PTPRD: variants seen among roughly 807,000 people sequenced by gnomAD.
PTPRD encodes the protein protein tyrosine phosphatase receptor type D, also known as receptor-type tyrosine-protein phosphatase delta.
In PTPRD, 34 loss-of-function variants were observed where a neutral mutation model predicts 214.5. That is an observed-to-expected ratio of 0.16 (90% CI 0.12 to 0.21). The LOEUF (loss-of-function observed/expected upper bound fraction) is 0.21, where lower values mean the gene tolerates loss of function less well. PTPRD is among the 10% of genes least tolerant of loss of function. The pLI is 1.00. For synonymous variants in PTPRD, 1,128 were observed against 845.7 expected, an observed-to-expected ratio of 1.33 and a Z score of -5.79; for missense variants, 2,545 against 2,398.7, an observed-to-expected ratio of 1.06 and a Z score of -1.27.
chr9:9,019,078 C>T (rs575755800), intron 10 of PTPRD, among the ~76,000 whole-genome samples: 2 of 152,000 alleles, frequency 1.3e-5, no homozygotes, highest in African/African-American at 2.4e-5. Context: ...TAAAAACAAA[C>T]TTGTGCTAGA....
chr9:10,526,668 A>G (rs933213578), intron 2 of PTPRD, among the ~76,000 whole-genome samples: 7 of 152,106 alleles, frequency 4.6e-5, no homozygotes, highest in African/African-American at 1.7e-4. Context: ...TTATCTTTCA[A>G]TACCCTTTAC....
intron 39 of PTPRD, among the ~76,000 whole-genome samples, chr9:8,350,830 G>C (rs10739158): frequency 6.6e-6 from 1 of 151,892 alleles, no homozygotes; most frequent in Non-Finnish European, 1.5e-5. Flanking sequence ...AGTCAAATTT[G>C]TCCATGCTAT....
rs187262969 is a variant in PTPRD at position 10,260,997 on chromosome 9, T to C, written c.-545+79966A>G. On this transcript the variant is annotated intron_variant, in intron 3 of 45. Coordinates refer to ENST00000381196, the MANE Select transcript of PTPRD (RefSeq NM_002839.4). ...ATGTGTGTATATATATGTATATATA[T>C]GTGTATATATGTATATATGTGTGTA... Among the ~76,000 whole-genome samples, 135 of 147,920 alleles carry C rather than the reference T, an allele frequency of 9.1e-4. 1 individual carries two copies. Among genetic ancestry groups the C allele is most frequent in the Non-Finnish European group, 1.3e-3 (90 of 67,272 alleles).
At chr9:9,696,850 G>A (rs1595474540) in intron 7 of PTPRD, among the ~76,000 whole-genome samples, 1 of 152,050 alleles carries the variant, frequency 6.6e-6, no homozygotes, top group African/African-American at 2.4e-5. Flanking sequence ...TTTGTTACTT[G>A]CTTTCTGGTT....
intron 8 of PTPRD, among the ~76,000 whole-genome samples, chr9:9,509,452 C>A (rs751672612): frequency 2.0e-4 from 30 of 151,440 alleles, no homozygotes; most frequent in Non-Finnish European, 3.5e-4. Context: ...ATCATCACAA[C>A]TGGACAATGA....
In PTPRD at chr9:9,486,150, C is replaced by CAAAAAAA. The variant is rs71319226; in HGVS notation, c.-237+88575_-237+88581dup. Among the ~76,000 whole-genome samples the CAAAAAAA allele has an allele frequency of 6.8e-3, 205 of 30,164 alleles. 51 individuals are homozygous for CAAAAAAA. The highest frequency in any genetic ancestry group is 0.013 in the African/African-American group (85 of 6,680). 19.8% of individuals were successfully genotyped at this position (30,164 alleles called of 152,430 possible). On this transcript the variant is annotated intron_variant, in intron 8 of 45. Transcript: ENST00000381196. The stretch of plus-strand genomic sequence containing the variant: ...TGGGCAACAGAGCAAGACTCTCTCT[C>CAAAAAAA]AAAAAAAAAAAAAAAAAAAAAAAAA...
intron 2 of PTPRD, among the ~76,000 whole-genome samples, chr9:10,431,204 T>C (rs2154520612): frequency 6.6e-6 from 1 of 152,184 alleles, no homozygotes; most frequent in South Asian, 2.1e-4. Flanking sequence ...GAATCACTGT[T>C]TGAAAGGTTT....
chr9:9,122,003 C>T (rs2099818070), intron 10 of PTPRD, among the ~76,000 whole-genome samples: 1 of 152,028 alleles, frequency 6.6e-6, no homozygotes, highest in Non-Finnish European at 1.5e-5. Context: ...ATTTAATGTT[C>T]CCAGAATTTG....
intron 3 of PTPRD, among the ~76,000 whole-genome samples, chr9:10,216,789 T>C (rs1201755232): frequency 6.6e-6 from 1 of 152,052 alleles, no homozygotes; most frequent in African/African-American, 2.4e-5. Context: ...TGATTTGACA[T>C]GCAAGTGCAA....
chr9:9,930,798 C>A lies in PTPRD; in HGVS notation c.-368+7709G>T, dbSNP rs533290269. Among the ~76,000 whole-genome samples the A allele has an allele frequency of 2.0e-5, 3 of 151,850 alleles. No individual in the cohort carries two copies. The East Asian group carries it at 5.8e-4, about 29-fold the overall frequency. Reference sequence around the variant, plus strand: ...AAGTGAGCATAATATGTATGTTTATCCATGTAAATAGGTCAATTTTGATTA... The same window carrying A: ...AAGTGAGCATAATATGTATGTTTATACATGTAAATAGGTCAATTTTGATTA... On this transcript the variant is annotated intron_variant, in intron 5 of 45. Transcript: ENST00000381196.
intron 3 of PTPRD, among the ~76,000 whole-genome samples, chr9:10,259,423 G>C (rs988120862): frequency 1.3e-5 from 2 of 152,028 alleles, no homozygotes. Context: ...TGGAAGCCAG[G>C]GATAATGACA....
intron 2 of PTPRD, among the ~76,000 whole-genome samples, chr9:10,414,139 G>A (rs558167475): frequency 3.0e-4 from 45 of 151,884 alleles, no homozygotes; most frequent in East Asian, 9.8e-4. Context: ...TGGGCACAGC[G>A]AAAGCAACTA....
intron 2 of PTPRD, among the ~76,000 whole-genome samples, chr9:10,448,736 G>A (rs1234540398): frequency 2.0e-5 from 3 of 151,968 alleles, no homozygotes; most frequent in African/African-American, 7.3e-5. Context: ...AACTGGCAAA[G>A]TGGAAAGAGT....
At chr9:9,713,931 G>T (rs2097776155) in intron 7 of PTPRD, among the ~76,000 whole-genome samples, 1 of 151,904 alleles carries the variant, frequency 6.6e-6, no homozygotes, top group South Asian at 2.1e-4. Context: ...GCTCTCAAAA[G>T]AACTTCCAGG....
chr9:10,174,392 G>T (rs78903225), intron 3 of PTPRD, among the ~76,000 whole-genome samples: 4,305 of 152,112 alleles, frequency 0.028, 203 homozygotes, highest in African/African-American at 0.099. Context: ...GCACAGGCTG[G>T]CTCCCTTTCA....
At chr9:8,468,345 G>A (rs1010542943) in intron 31 of PTPRD, among the ~76,000 whole-genome samples, 2 of 151,920 alleles carry the variant, frequency 1.3e-5, no homozygotes, top group Admixed American at 6.6e-5. Flanking sequence ...AGCCTTTGAA[G>A]TACAATGCAG....
At chr9:10,401,633 A>G (rs1339277411) in intron 2 of PTPRD, among the ~76,000 whole-genome samples, 1 of 148,062 alleles carries the variant, frequency 6.8e-6, no homozygotes, top group Non-Finnish European at 1.5e-5. Flanking sequence ...ATAGTATTAA[A>G]TTATCATCTA....
At chr9:10,256,916 A>C (rs972140364) in intron 3 of PTPRD, among the ~76,000 whole-genome samples, 1 of 152,262 alleles carries the variant, frequency 6.6e-6, no homozygotes, top group African/African-American at 2.4e-5. Flanking sequence ...TAGTTCCATC[A>C]CTTCCTCTAC....
chr9:10,157,915 G>A lies in PTPRD; in HGVS notation c.-544-124125C>T, dbSNP rs558187041. Among the ~76,000 whole-genome samples, 11 of 151,958 alleles carry A rather than the reference G, an allele frequency of 7.2e-5. No homozygotes were observed. In the South Asian group the frequency reaches 2.1e-3, roughly 29 times the overall value. Reference sequence around the variant, plus strand: ...CTTCAAGCTCTGAGATTCTTCCTTTGGCTTGTTCTATTGTGCTACTAATAC... The same window carrying A: ...CTTCAAGCTCTGAGATTCTTCCTTTAGCTTGTTCTATTGTGCTACTAATAC... On this transcript the variant is annotated intron_variant, in intron 3 of 45. Coordinates refer to ENST00000381196, the MANE Select transcript of PTPRD (RefSeq NM_002839.4).
Sources: gnomAD v4.1 joint callset for allele counts (sites outside exome capture counted in the v4.1 genomes callset) on GRCh38, gnomAD v4.1.1 for gene constraint, MANE v1.5 for transcripts, NCBI Gene and HGNC (gene_info 2026-07-23, HGNC 2026-07-21) for gene names.